AP4S1: variants seen among roughly 807,000 people sequenced by gnomAD.
AP4S1 encodes the protein adaptor related protein complex 4 subunit sigma 1, also known as AP-4 complex subunit sigma-1.
In AP4S1, 23 loss-of-function variants were observed where a neutral mutation model predicts 19.8. That is an observed-to-expected ratio of 1.16 (90% confidence interval 0.84 to 1.65). The LOEUF (loss-of-function observed/expected upper bound fraction) is 1.65. Among genes scored for constraint, AP4S1 ranks in the 40% most tolerant of loss-of-function variants. The pLI is 0.00. For missense variants in AP4S1, 166 were observed against 172.8 expected (o/e 0.96, Z 0.22); for synonymous variants, 46 against 54.1 (o/e 0.85, Z 0.66).
intron 5 of AP4S1, among the ~76,000 whole-genome samples, chr14:31,083,984 C>G (rs1211069989): frequency 6.6e-6 from 1 of 152,168 alleles, no homozygotes; most frequent in Non-Finnish European, 1.5e-5. Context: ...GCGTAGACAT[C>G]CTGCATCACT....
chr14:31,034,779 A>G (rs992999967), intron 1 of AP4S1, among the ~76,000 whole-genome samples: 9 of 149,866 alleles, frequency 6.0e-5, no homozygotes, highest in African/African-American at 2.2e-4. Flanking sequence ...CACCACGACC[A>G]GCTAAATTTT....
chr14:31,082,389 A>C (rs1887682507), intron 5 of AP4S1, among the ~76,000 whole-genome samples: 1 of 152,222 alleles, frequency 6.6e-6, no homozygotes, highest in African/African-American at 2.4e-5. Context: ...TAAGCCATTC[A>C]AAGCAATTCA....
In AP4S1 at chr14:31,025,668, G is replaced by A. The variant is rs751394885; in HGVS notation, c.-191G>A. 2.1e-4 allele frequency: 131 copies of A among 632,392 alleles called. No homozygotes were observed. Among genetic ancestry groups the A allele is most frequent in the Non-Finnish European group, 3.2e-4 (122 of 383,356 alleles). The allele number at this position is 632,392 out of a possible 1,614,324, so 39.2% of individuals were successfully genotyped here. A position where few individuals can be genotyped will look rare whatever the true frequency, so the allele number is the denominator to read the frequency against. ...CGCCATACTAAAAGCCAAAATGGCT[G>A]CCCCGAGGAGGCCCGCACCGCGTAG... On this transcript the variant is annotated 5_prime_UTR_variant, in exon 1 of 6. Coordinates refer to ENST00000542754, the MANE Select transcript of AP4S1 (RefSeq NM_001128126.3).
chr14:31,048,068 A>G (rs1193134581), intron 1 of AP4S1, among the ~76,000 whole-genome samples: 1 of 151,638 alleles, frequency 6.6e-6, no homozygotes, highest in Non-Finnish European at 1.5e-5. Context: ...GTGGTGTGAC[A>G]TAAAAGTATA....
chr14:31,085,742 C>T, intron 5 of AP4S1: 3 of 879,870 alleles, frequency 3.4e-6, no homozygotes, highest in Non-Finnish European at 4.1e-6. Flanking sequence ...TACTGCACTC[C>T]AATCTGGCAA....
chr14:31,051,889 G>C (rs1210992483), intron 1 of AP4S1, among the ~76,000 whole-genome samples: 2 of 152,128 alleles, frequency 1.3e-5, no homozygotes, highest in Non-Finnish European at 2.9e-5. Context: ...TCAAACTCCT[G>C]AGCTCAAGTG....
chr14:31,072,274 T>C (rs148046816), intron 3 of AP4S1, among the ~76,000 whole-genome samples: 3,965 of 152,038 alleles, frequency 0.026, 71 homozygotes, highest in Middle Eastern at 0.054. Context: ...AGAGGTCTCA[T>C]TATGTTGGTG....
intron 1 of AP4S1, among the ~76,000 whole-genome samples, chr14:31,049,428 A>AAAATATAT (rs1384450221): frequency 3.8e-4 from 22 of 57,734 alleles, no homozygotes; most frequent in South Asian, 7.5e-4. Context: ...AAAAAAAAAA[A>AAAATATAT]ATATATATAT....
rs546034609 is a variant in AP4S1, at chr14:31,090,237, C to T, written c.307-2670C>T. On this transcript the variant is annotated intron_variant, in intron 5 of 5. Coordinates refer to ENST00000542754, the MANE Select transcript of AP4S1 (RefSeq NM_001128126.3). ...CTGACCTCACGTAATCTGCCCACCT[C>T]AGCCTCCCAAAGTGCTGGGATTACA... Among the ~76,000 whole-genome samples the T allele has an allele frequency of 7.9e-5, 12 of 152,276 alleles. No homozygotes were observed. The South Asian group carries it at 1.7e-3, about 21-fold the overall frequency.
At chr14:31,047,050 G>A (rs1885451568) in intron 1 of AP4S1, among the ~76,000 whole-genome samples, 1 of 152,118 alleles carries the variant, frequency 6.6e-6, no homozygotes, top group African/African-American at 2.4e-5. Flanking sequence ...AAGTAGGTGT[G>A]AAATTGTATC....
chr14:31,085,535 G>C (rs1410490536), intron 5 of AP4S1: 1 of 983,780 alleles, frequency 1.0e-6, no homozygotes, highest in Non-Finnish European at 1.2e-6. Flanking sequence ...GCACTTTGGA[G>C]GGCTGAAGCA....
At chr14:31,049,229 C>T (rs1181172821) in intron 1 of AP4S1, among the ~76,000 whole-genome samples, 5 of 151,132 alleles carry the variant, frequency 3.3e-5, no homozygotes, top group Admixed American at 2.0e-4. Context: ...CTGGCTAACA[C>T]GGTGAAACCC....
chr14:31,035,915 A>G (rs1884734369), intron 1 of AP4S1, among the ~76,000 whole-genome samples: 1 of 151,796 alleles, frequency 6.6e-6, no homozygotes, highest in Admixed American at 6.6e-5. Context: ...TATTTTTGGT[A>G]GAGACGGGGT....
chr14:31,094,854 A>C lies in AP4S1; in HGVS notation c.*1819A>C, dbSNP rs1300549881. The C allele has an allele frequency of 6.6e-6, 1 of 152,274 alleles. No individual in the cohort carries two copies. Among genetic ancestry groups the C allele is most frequent in the African/African-American group, 2.4e-5 (1 of 41,446 alleles). The allele number at this position is 152,274 out of a possible 1,614,324, so 9.4% of individuals were successfully genotyped here. ...ACATGGCAAAACCTTGTCTCTACTA[A>C]AAATACAAAAAGTTAGCCAGGCATG... On this transcript the variant is annotated 3_prime_UTR_variant, in exon 6 of 6. Transcript: ENST00000542754.
intron 5 of AP4S1, among the ~76,000 whole-genome samples, chr14:31,090,075 G>A (rs553709431): frequency 7.3e-4 from 111 of 152,160 alleles, no homozygotes; most frequent in African/African-American, 2.4e-3. Flanking sequence ...TGCAACCTCC[G>A]CCTCCGAGGT....
At chr14:31,077,512 G>C (rs1035723953) in intron 4 of AP4S1, among the ~76,000 whole-genome samples, 2 of 152,102 alleles carry the variant, frequency 1.3e-5, no homozygotes, top group Non-Finnish European at 2.9e-5. Flanking sequence ...CTCAAAGTCT[G>C]ATTCCTGGAC....
At chr14:31,029,893 A>C (rs906478081) in intron 1 of AP4S1, among the ~76,000 whole-genome samples, 2 of 150,244 alleles carry the variant, frequency 1.3e-5, no homozygotes, top group East Asian at 1.9e-4. Flanking sequence ...TATTTTGTCC[A>C]AGAAGCCTCC....
chr14:31,041,830 C>T (rs1237235493), intron 1 of AP4S1, among the ~76,000 whole-genome samples: 1 of 151,920 alleles, frequency 6.6e-6, no homozygotes, highest in Non-Finnish European at 1.5e-5. Flanking sequence ...ATTTAATTCC[C>T]TATTTTAACA....
intron 1 of AP4S1, among the ~76,000 whole-genome samples, chr14:31,058,513 A>ATC (rs201254703): frequency 1.6e-5 from 2 of 123,092 alleles, no homozygotes; most frequent in African/African-American, 6.2e-5. Flanking sequence ...CATCTTCCCC[A>ATC]TCTCTGTGTG....
Sources: allele counts gnomAD v4.1 joint callset (sites outside exome capture counted in the v4.1 genomes callset), GRCh38; gene constraint gnomAD v4.1.1; transcripts MANE v1.5; gene names NCBI Gene and HGNC (gene_info 2026-07-23, HGNC 2026-07-21).